FAT4: variants seen among roughly 807,000 people sequenced by gnomAD.
FAT4 encodes the protein protocadherin Fat 4.
In FAT4, 84 loss-of-function variants were observed where a neutral mutation model predicts 303.9. That is an observed-to-expected ratio of 0.28 (90% CI 0.23 to 0.33). The LOEUF (loss-of-function observed/expected upper bound fraction) is 0.33, where lower values mean the gene tolerates loss of function less well. Among genes scored for constraint, FAT4 ranks in the 10% least tolerant of loss-of-function variants. The probability of loss-of-function intolerance (pLI) is 1.00; values close to 1 mark genes in which losing one functional copy is unlikely to be tolerated. For synonymous variants in FAT4, 2,307 were observed against 2,298.8 expected, an observed-to-expected ratio of 1.00 and a Z score of -0.10; for missense variants, 6,005 against 6,146.8, an observed-to-expected ratio of 0.98 and a Z score of 0.77.
chr4:125,374,773 G>A (rs1019357908), intron 2 of FAT4, among the ~76,000 whole-genome samples: 4 of 152,120 alleles, frequency 2.6e-5, no homozygotes, highest in African/African-American at 9.7e-5. Context: ...CAGCAAAAGA[G>A]ACCAGATAAT....
In FAT4 at chr4:125,436,085, A is replaced by G. The variant is rs543906117; in HGVS notation, c.7199+1660A>G. ...AGGGATAGCATTAGGAGATATACCT[A>G]ATGTAAATGATGAGTTAATGGGTGC... On this transcript the variant is annotated intron_variant, in intron 8 of 17. Coordinates refer to ENST00000394329, the MANE Select transcript of FAT4 (RefSeq NM_001291303.3). Among the ~76,000 whole-genome samples the G allele has an allele frequency of 8.2e-3, 1,251 of 151,700 alleles. 14 individuals are homozygous for G. The highest frequency in any genetic ancestry group is 0.027 in the African/African-American group (1,118 of 41,282).
rs1376872414 is a variant in FAT4 at position 125,319,245 on chromosome 4, A to G, written c.2834A>G (p.Lys945Arg). 17 of 1,614,092 alleles carry G rather than the reference A, an allele frequency of 1.1e-5. No homozygotes were observed. The highest frequency in any genetic ancestry group is 3.3e-5 in the Admixed American group (2 of 60,012). Reference protein sequence around the residue: ...NPKNLFAINEKNGTISLLGPL... With the variant: ...NPKNLFAINERNGTISLLGPL... ...AAGAACCTGTTTGCTATCAATGAAA[A>G]GAATGGCACTATTAGTCTGCTTGGG... is the stretch of plus-strand genomic sequence containing the variant. The change falls in exon 2 of 18, where the codon AAG becomes AGG. Residue 945 changes from lysine to arginine, a missense_variant. Lys to Arg is a conservative substitution (Grantham distance 26). Transcript: ENST00000394329.
In FAT4 at chr4:125,487,485, T is replaced by C. The variant is rs1560637011; in HGVS notation, c.12963T>C (p.Ser4321=). Residue 4321 remains serine (S), a synonymous_variant, in exon 17 of 18, where the codon TCT becomes TCC. Coordinates refer to ENST00000394329, the MANE Select transcript of FAT4 (RefSeq NM_001291303.3). ...IGKNGTATVL[S]VDRIYNRDII... ...AAAATGGAACAGCAACAGTATTGTC[T>C]GTTGACAGAATATATAACAGAGATA... is the stretch of plus-strand genomic sequence containing the variant. 1 of 1,614,110 alleles carries C rather than the reference T, an allele frequency of 6.2e-7. No individual in the cohort carries two copies. Among genetic ancestry groups the C allele is most frequent in the Admixed American group, 1.7e-5 (1 of 60,020 alleles).
Position 125,319,133 on chromosome 4 carries a change from G to T in FAT4, c.2722G>T (p.Ala908Ser), listed in dbSNP as rs1730802883. The T allele has an allele frequency of 6.2e-7, 1 of 1,613,986 alleles. No homozygotes were observed. The highest frequency in any genetic ancestry group is 1.7e-5 in the Admixed American group (1 of 59,996). The change falls in exon 2 of 18, where the codon GCA becomes TCA. Residue 908 changes from alanine (A) to serine (S), a missense_variant. Ala to Ser is a moderately conservative substitution (Grantham distance 99). Transcript: ENST00000394329. ...ESVNVVENWQAGHSIFQAKAV... is the reference protein window; with the variant it reads ...ESVNVVENWQSGHSIFQAKAV... Reference sequence around the variant, plus strand: ...TGTAAATGTGGTGGAGAATTGGCAGGCAGGTCACAGCATTTTCCAGGCCAA... The same window carrying T: ...TGTAAATGTGGTGGAGAATTGGCAGTCAGGTCACAGCATTTTCCAGGCCAA...
intron 7 of FAT4, among the ~76,000 whole-genome samples, chr4:125,424,909 A>G (rs1380493013): frequency 6.6e-6 from 1 of 152,194 alleles, no homozygotes; most frequent in African/African-American, 2.4e-5. Flanking sequence ...CGAATCAGGC[A>G]TGAGTCCTAG....
chr4:125,468,482 A>C (rs958148642), intron 11 of FAT4, 30 bp from the exon 12 acceptor site: 9 of 1,392,928 alleles, frequency 6.5e-6, no homozygotes, highest in Non-Finnish European at 8.5e-6. Flanking sequence ...ATGAAATTTT[A>C]TGCCAGTTTG....
rs1286537488 is a variant in FAT4, at chr4:125,407,083, T to C, written c.5511T>C (p.His1837=). The C allele has an allele frequency of 1.2e-6, 2 of 1,613,812 alleles. No homozygotes were observed. Among genetic ancestry groups the C allele is most frequent in the Admixed American group, 1.7e-5 (1 of 59,974 alleles). ...TCACTGTCAGTGATGTGAATGACCA[T>C]ACACCCAAATTTTCCAGACCCGTGT... is the stretch of plus-strand genomic sequence containing the variant. The part of the protein sequence containing the change: ...INITVSDVND[H]TPKFSRPVYS... The change falls in exon 4 of 18, where the codon CAT becomes CAC. Residue 1837 remains histidine (H), a synonymous_variant. Transcript: ENST00000394329.
At chr4:125,484,627 T>C (rs1001411736) in intron 16 of FAT4, among the ~76,000 whole-genome samples, 2 of 152,134 alleles carry the variant, frequency 1.3e-5, no homozygotes, top group African/African-American at 4.8e-5. Flanking sequence ...ATTTCATTCT[T>C]GTGCAAACAT....
At chr4:125,377,696 C>A in intron 2 of FAT4, among the ~76,000 whole-genome samples, 1 of 152,170 alleles carries the variant, frequency 6.6e-6, no homozygotes. Context: ...TTCTAGAGGT[C>A]TGTTTCTAAA....
intron 12 of FAT4, among the ~76,000 whole-genome samples, chr4:125,471,679 A>C (rs1410291299): frequency 6.6e-6 from 1 of 151,894 alleles, no homozygotes; most frequent in East Asian, 1.9e-4. Context: ...TCTAACAGCT[A>C]TCAAGGATTT....
intron 3 of FAT4, among the ~76,000 whole-genome samples, chr4:125,403,108 A>C (rs1300381274): frequency 6.6e-6 from 1 of 152,102 alleles, no homozygotes; most frequent in Non-Finnish European, 1.5e-5. Context: ...AAATAGTAAG[A>C]ATAAGAATAA....
rs35175193 is a variant in FAT4 at position 125,469,057 on chromosome 4, GT to G, written c.12213+243del. Among the ~76,000 whole-genome samples, 34 of 152,220 alleles carry G rather than the reference GT, an allele frequency of 2.2e-4. No individual in the cohort carries two copies. In the East Asian group the frequency reaches 6.0e-3, roughly 27 times the overall value. ...ATAATTTCATTGATATTTTTTGTAT[GT>G]TTTTAAGGCCATGTCAGGACTATAC... is the stretch of plus-strand genomic sequence containing the variant. On this transcript the variant is annotated intron_variant, in intron 12 of 17. Transcript: ENST00000394329.
chr4:125,347,680 C>T (rs1414025077), intron 2 of FAT4, among the ~76,000 whole-genome samples: 1 of 151,482 alleles, frequency 6.6e-6, no homozygotes, highest in Non-Finnish European at 1.5e-5. Context: ...GGATTTGAAT[C>T]CACTTATCAG....
chr4:125,394,039 T>G, intron 2 of FAT4: 1 of 773,946 alleles, frequency 1.3e-6, no homozygotes, highest in Non-Finnish European at 2.4e-6. Flanking sequence ...CTACATTTCT[T>G]CTAATTGTAG....
At chr4:125,437,118 G>C (rs1422199797) in intron 8 of FAT4, among the ~76,000 whole-genome samples, 2 of 152,064 alleles carry the variant, frequency 1.3e-5, no homozygotes, top group Non-Finnish European at 2.9e-5. Flanking sequence ...GCCTTCCAAA[G>C]TGCTGGGATT....
chr4:125,319,497 G>T lies in FAT4; in HGVS notation c.3086G>T (p.Gly1029Val). 6.2e-7 allele frequency: 1 copy of T among 1,613,996 alleles called. No homozygotes were observed. ...QASDKDSGAN[G>V]EIAYTIAEGN... ...TCTGATAAGGATTCAGGAGCAAATG[G>T]TGAAATTGCATACACCATTGCTGAA... The change falls in exon 2 of 18, where the codon GGT (glycine) becomes GTT (valine). Residue 1029 changes from glycine (G) to valine (V), a missense_variant. Transcript: ENST00000394329.
At chr4:125,431,815 C>G (rs1345237759) in intron 7 of FAT4, among the ~76,000 whole-genome samples, 2 of 151,792 alleles carry the variant, frequency 1.3e-5, no homozygotes, top group Non-Finnish European at 2.9e-5. Context: ...TCCATGACAC[C>G]TCCTTTTGCT....
Position 125,448,738 on chromosome 4 carries a change from C to A in FAT4, c.7728C>A (p.Phe2576Leu). 6.2e-7 allele frequency: 1 copy of A among 1,613,488 alleles called. No homozygotes were observed. Among genetic ancestry groups the A allele is most frequent in the Non-Finnish European group, 8.5e-7 (1 of 1,179,898 alleles). The change falls in exon 10 of 18, where the codon TTC (phenylalanine) becomes TTA (leucine). Residue 2576 changes from phenylalanine (F) to leucine (L), a missense_variant. By Grantham distance (22) the Phe-to-Leu change is conservative. Coordinates refer to ENST00000394329, the MANE Select transcript of FAT4 (RefSeq NM_001291303.3). ...FPKVRAKEQT[F>L]MFPENQPVSS... Reference sequence around the variant, plus strand: ...AAGTGAGAGCCAAAGAACAAACGTTCATGTTTCCTGAAAACCAACCAGTCA... The same window carrying A: ...AAGTGAGAGCCAAAGAACAAACGTTAATGTTTCCTGAAAACCAACCAGTCA...
chr4:125,414,116 T>G (rs913582427), intron 5 of FAT4, among the ~76,000 whole-genome samples: 2 of 152,020 alleles, frequency 1.3e-5, no homozygotes, highest in East Asian at 3.9e-4. Flanking sequence ...TTATTTACCT[T>G]TAGTTACTAA....
Sources: allele counts gnomAD v4.1 joint callset (sites outside exome capture counted in the v4.1 genomes callset), GRCh38; gene constraint gnomAD v4.1.1; transcripts MANE v1.5; gene names NCBI Gene and HGNC (gene_info 2026-07-23, HGNC 2026-07-21).